The following KIAA0513 variants were observed in gnomAD, a reference collection of about 807,000 sequenced individuals.
The protein encoded by KIAA0513 is uncharacterized protein KIAA0513.
A neutral mutation model predicts 56.5 loss-of-function variants in KIAA0513; 39 were observed. That is an observed-to-expected ratio of 0.69 (90% CI 0.53 to 0.90). The LOEUF (loss-of-function observed/expected upper bound fraction) is 0.90. KIAA0513 is among the 40% of genes least tolerant of loss of function. The pLI is 0.00. For synonymous variants in KIAA0513, 268 were observed against 215.6 expected (o/e 1.24, Z -2.13); for missense variants, 591 against 535.2 (o/e 1.10, Z -1.03).
chr16:85,034,061 G>A (rs1374532147), intron 1 of KIAA0513, among the ~76,000 whole-genome samples: 1 of 152,118 alleles, frequency 6.6e-6, no homozygotes, highest in Non-Finnish European at 1.5e-5. Flanking sequence ...CATCTGTTGG[G>A]ACAGATGACT....
At chr16:85,086,285 G>A (rs1452879310) in intron 10 of KIAA0513, among the ~76,000 whole-genome samples, 3 of 152,222 alleles carry the variant, frequency 2.0e-5, no homozygotes, top group African/African-American at 7.2e-5. Context: ...CTGAGGACAG[G>A]CCCAGACCCC....
In KIAA0513 at chr16:85,092,955, C is replaced by T. The variant is rs2073884928; in HGVS notation, c.*4630C>T. On this transcript the variant is annotated 3_prime_UTR_variant, in exon 13 of 13. Coordinates refer to ENST00000683363, the MANE Select transcript of KIAA0513 (RefSeq NM_001388359.1). ...CCAACACTGGCCCGGAAGCCGCCCTCCATACAGGCCCTCAGGGGGCCTGCC... is the reference window on the plus strand; with the variant it reads ...CCAACACTGGCCCGGAAGCCGCCCTTCATACAGGCCCTCAGGGGGCCTGCC... The T allele has an allele frequency of 6.6e-6, 1 of 152,368 alleles. No individual in the cohort carries two copies. The highest frequency in any genetic ancestry group is 1.5e-5 in the Non-Finnish European group (1 of 68,160). The allele number at this position is 152,368 out of a possible 1,614,324, so 9.4% of individuals were successfully genotyped here. A position where few individuals can be genotyped will look rare whatever the true frequency, so the allele number is the denominator to read the frequency against.
intron 4 of KIAA0513, among the ~76,000 whole-genome samples, chr16:85,074,936 A>G (rs747101925): frequency 1.9e-4 from 29 of 151,862 alleles, no homozygotes; most frequent in African/African-American, 3.9e-4. Flanking sequence ...TTTGTCCTAT[A>G]TAAGTAACGT....
chr16:85,054,595 G>A (rs143742075), intron 1 of KIAA0513, among the ~76,000 whole-genome samples: 1 of 151,622 alleles, frequency 6.6e-6, no homozygotes, highest in East Asian at 1.9e-4. Flanking sequence ...ACACCTGGCT[G>A]ATTTTTGTAT....
intron 1 of KIAA0513, among the ~76,000 whole-genome samples, chr16:85,043,229 C>G (rs1386668908): frequency 6.6e-6 from 1 of 151,952 alleles, no homozygotes; most frequent in African/African-American, 2.4e-5. Flanking sequence ...TTTACTACCC[C>G]CAGCTACAAC....
At position 85,093,420 on chromosome 16, in the gene KIAA0513, G is replaced by A. The variant is rs1253016921; in HGVS notation, c.*5095G>A. On this transcript the variant is annotated 3_prime_UTR_variant, in exon 13 of 13. Transcript: ENST00000683363. The stretch of plus-strand genomic sequence containing the variant: ...AACCCAGCTCCCCACTTTATCTGCA[G>A]ACTCTGGGACCTGACAAAACAGTCA... 6.6e-6 allele frequency: 1 copy of A among 152,590 alleles called. No individual in the cohort carries two copies. The highest frequency in any genetic ancestry group is 1.9e-4 in the East Asian group (1 of 5,202). The allele number at this position is 152,590 out of a possible 1,614,324, so 9.5% of individuals were successfully genotyped here. A position where few individuals can be genotyped will look rare whatever the true frequency, so the allele number is the denominator to read the frequency against.
At chr16:85,032,122 A>G (rs1000214101) in intron 1 of KIAA0513, among the ~76,000 whole-genome samples, 8 of 151,626 alleles carry the variant, frequency 5.3e-5, no homozygotes, top group Admixed American at 5.3e-4. Flanking sequence ...TCAGAGGGAG[A>G]CTCTGTGCCT....
intron 1 of KIAA0513, among the ~76,000 whole-genome samples, chr16:85,035,214 G>A (rs910413359): frequency 3.9e-5 from 6 of 152,140 alleles, no homozygotes; most frequent in South Asian, 2.1e-4. Flanking sequence ...TGCCCCCTTC[G>A]CTGCCTGTTC....
At chr16:85,034,945 C>T (rs1217184235) in intron 1 of KIAA0513, among the ~76,000 whole-genome samples, 1 of 152,176 alleles carries the variant, frequency 6.6e-6, no homozygotes, top group African/African-American at 2.4e-5. Flanking sequence ...TGCAGGTCAC[C>T]TTTGAGACCC....
chr16:85,073,101 C>A, intron 4 of KIAA0513, 103 bp downstream of exon 4: 1 of 937,188 alleles, frequency 1.1e-6, no homozygotes, highest in Non-Finnish European at 1.8e-6. Flanking sequence ...TGAACCATAT[C>A]CACACTAGTC....
rs540807447 is a variant in KIAA0513, at chr16:85,087,225, C to T, written c.1186+59C>T. ...GCAGGGCTGGGGTCAGGAGCCAGTG[C>T]TGTGCCCGCTGGCGCTTCTGCACTG... On this transcript the variant is annotated intron_variant, in intron 12 of 12. Coordinates refer to ENST00000683363, the MANE Select transcript of KIAA0513 (RefSeq NM_001388359.1). 1.3e-5 allele frequency: 18 copies of T among 1,365,220 alleles called. No homozygotes were observed. The Middle Eastern group carries it at 1.1e-3, about 82-fold the overall frequency. The allele number at this position is 1,365,220 out of a possible 1,614,324, so 84.6% of individuals were successfully genotyped here.
intron 12 of KIAA0513, among the ~76,000 whole-genome samples, chr16:85,087,971 G>A (rs1214511613): frequency 6.6e-6 from 1 of 152,244 alleles, no homozygotes; most frequent in African/African-American, 2.4e-5. Flanking sequence ...AGGCTGTAGG[G>A]GCTGAGCCCC....
chr16:85,087,632 G>A (rs1309800502), intron 12 of KIAA0513, among the ~76,000 whole-genome samples: 3 of 152,240 alleles, frequency 2.0e-5, no homozygotes, highest in South Asian at 2.1e-4. Context: ...GTGACAGCAG[G>A]GAGTTGCTGT....
intron 1 of KIAA0513, among the ~76,000 whole-genome samples, chr16:85,033,966 C>G (rs1567518487): frequency 2.0e-5 from 3 of 152,102 alleles, no homozygotes; most frequent in Admixed American, 6.6e-5. Flanking sequence ...TTTAATGTCC[C>G]CAATTACCAT....
Position 85,086,709 on chromosome 16 carries a change from C to A in KIAA0513, c.1076C>A (p.Thr359Asn). Reference sequence around the variant, plus strand: ...AGCCTCCGGTTCAACGAGAACATCACCTTCGGGCAGCTGGGGTAAGGGCCA... The same window carrying A: ...AGCCTCCGGTTCAACGAGAACATCAACTTCGGGCAGCTGGGGTAAGGGCCA... The part of the protein sequence containing the change: ...DDSLRFNENI[T>N]FGQLGTFTHN... The change falls in exon 11 of 13, where the codon ACC becomes AAC. Residue 359 changes from threonine to asparagine, a missense_variant. By Grantham distance (65) the Thr-to-Asn change is moderately conservative. Transcript: ENST00000683363. 6.2e-7 allele frequency: 1 copy of A among 1,613,572 alleles called. No individual in the cohort carries two copies. Among genetic ancestry groups the A allele is most frequent in the Non-Finnish European group, 8.5e-7 (1 of 1,179,884 alleles).
At position 85,090,156 on chromosome 16, in the gene KIAA0513, T is replaced by G. The variant is rs3751756; in HGVS notation, c.*1831T>G. ...ATTTAGAGAAATGTCAGAGCGAGGG[T>G]TGTGTGGACACCCCTCGCTCTGATG... On this transcript the variant is annotated 3_prime_UTR_variant, in exon 13 of 13. Coordinates refer to ENST00000683363, the MANE Select transcript of KIAA0513 (RefSeq NM_001388359.1). The G allele has an allele frequency of 0.65, 99,006 of 151,182 alleles. 34,565 individuals are homozygous for G. Among genetic ancestry groups the G allele is most frequent in the African/African-American group, 0.89 (36,677 of 41,220 alleles). The allele number at this position is 151,182 out of a possible 1,614,324, so 9.4% of individuals were successfully genotyped here.
intron 1 of KIAA0513, among the ~76,000 whole-genome samples, chr16:85,052,328 GCAA>G (rs58102316): frequency 0.33 from 49,823 of 150,896 alleles, 9,461 homozygotes; most frequent in African/African-American, 0.52. Context: ...GTCTCAAAAA[GCAA>G]CAACAACAAC....
At chr16:85,041,627 G>A (rs35015636) in intron 1 of KIAA0513, among the ~76,000 whole-genome samples, 40 of 152,196 alleles carry the variant, frequency 2.6e-4, no homozygotes, top group Middle Eastern at 3.4e-3. Context: ...CTCGCTACTC[G>A]GGCGCTGCCT....
intron 6 of KIAA0513, 148 bp downstream of exon 6, chr16:85,077,780 T>TCA: frequency 1.5e-6 from 1 of 658,216 alleles, no homozygotes; most frequent in Non-Finnish European, 2.6e-6. Context: ...CCCCCACGGC[T>TCA]TGCTATGGTC....
Sources: allele counts gnomAD v4.1 joint callset (sites outside exome capture counted in the v4.1 genomes callset), GRCh38; gene constraint gnomAD v4.1.1; transcripts MANE v1.5; gene names NCBI Gene and HGNC (gene_info 2026-07-23, HGNC 2026-07-21).